Variants in NMD3 observed in about 807,000 individuals in gnomAD.
NMD3 encodes the protein NMD3 ribosome export adaptor, also known as 60S ribosomal export protein NMD3.
NMD3 carries 47 observed loss-of-function variants against 73.1 expected under a neutral mutation model. The ratio of observed to expected loss-of-function variants is 0.64; its 90% CI spans 0.51 to 0.82. The LOEUF is 0.82. NMD3 is among the 40% of genes least tolerant of loss of function. The pLI is 0.00. For synonymous variants in NMD3, 210 were observed against 194.5 expected (o/e 1.08, Z -0.66); for missense variants, 554 against 612.5 (o/e 0.90, Z 1.01).
intron 3 of NMD3, among the ~76,000 whole-genome samples, chr3:161,226,085 A>C (rs758524657): frequency 6.6e-6 from 1 of 152,126 alleles, no homozygotes; most frequent in Admixed American, 6.5e-5. Context: ...GCTGTTTATC[A>C]TCTCTGGGCC....
rs1347471376 is a variant in NMD3 at position 161,221,980 on chromosome 3, TTTTTTTTTA to T, written c.-20-13_-20-5del. On this transcript the variant is annotated splice_region_variant and splice_polypyrimidine_tract_variant and intron_variant, in intron 1 of 15. Coordinates refer to ENST00000351193, the MANE Select transcript of NMD3 (RefSeq NM_015938.5). ...TCTCTTTTTTTTTTTTTTTTTTTTT[TTTTTTTTTA>T]AAAGAACTTAAGGCATACAGAACGA... 8.6e-6 allele frequency: 11 copies of T among 1,280,812 alleles called. No individual in the cohort carries two copies. Among genetic ancestry groups the T allele is most frequent in the African/African-American group, 7.8e-5 (4 of 51,080 alleles). 79.3% of individuals were successfully genotyped at this position (1,280,812 alleles called of 1,614,324 possible). A position where few individuals can be genotyped will look rare whatever the true frequency, so the allele number is the denominator to read the frequency against.
In NMD3 at chr3:161,251,822, A is replaced by G. The variant is rs1213382267; in HGVS notation, c.*912A>G. ...CATACTTTATAAAACCATTAATCAG[A>G]TTTGAATGAGGAATGCTTCCCACAT... On this transcript the variant is annotated 3_prime_UTR_variant, in exon 16 of 16. Coordinates refer to ENST00000351193, the MANE Select transcript of NMD3 (RefSeq NM_015938.5). 6.6e-6 allele frequency: 1 copy of G among 152,224 alleles called. No individual in the cohort carries two copies. The highest frequency in any genetic ancestry group is 1.9e-4 in the East Asian group (1 of 5,198). 9.4% of individuals were successfully genotyped at this position (152,224 alleles called of 1,614,324 possible). A position where few individuals can be genotyped will look rare whatever the true frequency, so the allele number is the denominator to read the frequency against.
At chr3:161,252,886 G>C, downstream of NMD3, 1 of 641,150 alleles carries the variant, frequency 1.6e-6, no homozygotes, top group Non-Finnish European at 2.8e-6. Flanking sequence ...ATCACTTCAG[G>C]CCAGGAGTTC....
intron 4 of NMD3, among the ~76,000 whole-genome samples, chr3:161,230,130 G>C (rs1560066146): frequency 6.6e-6 from 1 of 152,092 alleles, no homozygotes; most frequent in Non-Finnish European, 1.5e-5. Context: ...ATAAGGTCTT[G>C]CTTTATTGCT....
At chr3:161,225,124 G>A (rs755163966) in intron 3 of NMD3, 60 bp downstream of exon 3, 190 of 1,511,910 alleles carry the variant, frequency 1.3e-4, no homozygotes, top group Middle Eastern at 1.7e-4. Flanking sequence ...GAGAACCACC[G>A]AGATATGCTG....
chr3:161,243,882 A>C (rs553079512), intron 11 of NMD3, among the ~76,000 whole-genome samples: 2 of 152,192 alleles, frequency 1.3e-5, no homozygotes, highest in East Asian at 3.9e-4. Context: ...TTTCCTTCTG[A>C]CCAGCAAGCA....
At chr3:161,222,997 A>G (rs533338226) in intron 2 of NMD3, 2 of 152,328 alleles carry the variant, frequency 1.3e-5, no homozygotes, top group East Asian at 1.9e-4. Context: ...TTGTTCTATC[A>G]GTAGCTTTTA....
Position 161,222,041 on chromosome 3 carries a change from C to T in NMD3, c.28C>T (p.Arg10Cys), listed in dbSNP as rs766484009. Residue 10 changes from arginine to cysteine, a missense_variant, in exon 2 of 16, where the codon CGC becomes TGC. Transcript: ENST00000351193. The stretch of plus-strand genomic sequence containing the variant: ...GGAGTATATGGCAGAATCCACCGAC[C>T]GCAGCCCTGGACACATGTGAGTGCG... MEYMAESTD[R>C]SPGHILCCEC... The T allele has an allele frequency of 2.5e-6, 4 of 1,608,204 alleles. No homozygotes were observed. The highest frequency in any genetic ancestry group is 2.2e-5 in the East Asian group (1 of 44,754).
At chr3:161,225,279 A>G (rs1003878546) in intron 3 of NMD3, among the ~76,000 whole-genome samples, 1 of 152,178 alleles carries the variant, frequency 6.6e-6, no homozygotes, top group African/African-American at 2.4e-5. Flanking sequence ...GTGTAAATGT[A>G]TTTGAATCTG....
intron 4 of NMD3, among the ~76,000 whole-genome samples, chr3:161,229,304 T>G (rs939911876): frequency 6.6e-6 from 1 of 152,154 alleles, no homozygotes; most frequent in African/African-American, 2.4e-5. Context: ...GTAAAGGTGT[T>G]TAAGTTTTTG....
rs996797823 is a variant in NMD3 at position 161,242,395 on chromosome 3, C to T, written c.872-113C>T. On this transcript the variant is annotated intron_variant, in intron 10 of 15. Coordinates refer to ENST00000351193, the MANE Select transcript of NMD3 (RefSeq NM_015938.5). ...CCTAAGGAGTGAGTTGACACTAGTT[C>T]TGTTGACCTGCCACTTCCCAGTTGG... The T allele has an allele frequency of 3.3e-6, 3 of 909,936 alleles. No homozygotes were observed. In the Admixed American group the frequency reaches 6.5e-5, roughly 20 times the overall value. 56.4% of individuals were successfully genotyped at this position (909,936 alleles called of 1,614,324 possible).
At chr3:161,248,030 C>T (rs1204019819) in intron 13 of NMD3, among the ~76,000 whole-genome samples, 1 of 151,708 alleles carries the variant, frequency 6.6e-6, no homozygotes, top group African/African-American at 2.4e-5. Context: ...AAGTGATCCT[C>T]CCACCTCAGC....
chr3:161,244,616 C>T (rs1333158985), intron 11 of NMD3, among the ~76,000 whole-genome samples: 3 of 146,354 alleles, frequency 2.0e-5, no homozygotes, highest in African/African-American at 7.6e-5. Context: ...TTCTTCTCTC[C>T]TCCTCTCCCT....
chr3:161,221,846 T>A (rs1307052127), intron 1 of NMD3, 148 bp from the exon 2 acceptor site: 12 of 527,568 alleles, frequency 2.3e-5, no homozygotes, highest in Non-Finnish European at 3.6e-5. Context: ...GGAGTTGGGT[T>A]TCCTTCTTTC....
At position 161,237,287 on chromosome 3, in the gene NMD3, T is replaced by G. The variant is rs532810708; in HGVS notation, c.578-826T>G. Among the ~76,000 whole-genome samples the G allele has an allele frequency of 1.3e-4, 20 of 152,272 alleles. 1 individual carries two copies. In the Middle Eastern group the frequency reaches 0.014, roughly 104 times the overall value. On this transcript the variant is annotated intron_variant, in intron 7 of 15. Coordinates refer to ENST00000351193, the MANE Select transcript of NMD3 (RefSeq NM_015938.5). ...TAAAATATGTATTCTTTCTTAGAACTGTGTTCTATAATCTCAGTTAACTCG... is the reference window on the plus strand; with the variant it reads ...TAAAATATGTATTCTTTCTTAGAACGGTGTTCTATAATCTCAGTTAACTCG...
In NMD3 at chr3:161,247,359, C is replaced by T. The variant is rs777864203; in HGVS notation, c.1203+29C>T. The T allele has an allele frequency of 2.0e-6, 3 of 1,463,500 alleles. No homozygotes were observed. The African/African-American group carries it at 4.2e-5, about 20-fold the overall frequency. 90.7% of individuals were successfully genotyped at this position (1,463,500 alleles called of 1,614,324 possible). A position where few individuals can be genotyped will look rare whatever the true frequency, so the allele number is the denominator to read the frequency against. Reference sequence around the variant, plus strand: ...AGGCTTTAGATTTTTCCCTTTTTTCCTGTGTTAAAGAGGATGAATGTAACT... The same window carrying T: ...AGGCTTTAGATTTTTCCCTTTTTTCTTGTGTTAAAGAGGATGAATGTAACT... On this transcript the variant is annotated intron_variant, in intron 13 of 15. Coordinates refer to ENST00000351193, the MANE Select transcript of NMD3 (RefSeq NM_015938.5).
chr3:161,235,332 G>GAA (rs200498371), intron 7 of NMD3, 120 bp downstream of exon 7: 2,370 of 302,376 alleles, frequency 7.8e-3, no homozygotes, highest in East Asian at 0.017. Flanking sequence ...TTTCTGTTAG[G>GAA]AAAAAAAAAA....
chr3:161,233,436 C>A lies in NMD3; in HGVS notation c.314C>A (p.Pro105His), dbSNP rs780528559. Reference sequence around the variant, plus strand: ...GATGCAGGCTTTGTTTGGACTGAGCCTCATTCTAAGAGACTTAAAGTTAAA... The same window carrying A: ...GATGCAGGCTTTGTTTGGACTGAGCATCATTCTAAGAGACTTAAAGTTAAA... ...LVDAGFVWTE[P>H]HSKRLKVKLT... Residue 105 changes from proline to histidine, a missense_variant, in exon 5 of 16, where the codon CCT (proline) becomes CAT (histidine). Transcript: ENST00000351193. The A allele has an allele frequency of 1.2e-6, 2 of 1,609,446 alleles. No homozygotes were observed. Among genetic ancestry groups the A allele is most frequent in the South Asian group, 2.2e-5 (2 of 90,160 alleles).
rs144287560 is a variant in NMD3 at position 161,251,139 on chromosome 3, A to G, written c.*229A>G. 8.6e-3 allele frequency: 2,904 copies of G among 337,238 alleles called. 72 individuals are homozygous for G. Among genetic ancestry groups the G allele is most frequent in the African/African-American group, 0.056 (2,654 of 47,382 alleles). The allele number at this position is 337,238 out of a possible 1,614,324, so 20.9% of individuals were successfully genotyped here. On this transcript the variant is annotated 3_prime_UTR_variant, in exon 16 of 16. Coordinates refer to ENST00000351193, the MANE Select transcript of NMD3 (RefSeq NM_015938.5). ...ATGTAGTTGTTATTGATTTTTGGCA[A>G]TTTTACATTTGGAATTTTATCACTG...
Sources: gnomAD v4.1 joint callset for allele counts (sites outside exome capture counted in the v4.1 genomes callset) on GRCh38, gnomAD v4.1.1 for gene constraint, MANE v1.5 for transcripts, NCBI Gene and HGNC (gene_info 2026-07-23, HGNC 2026-07-21) for gene names.